The following ESRRG variants were observed in gnomAD, a reference collection of about 807,000 sequenced individuals.
The protein encoded by ESRRG is estrogen related receptor gamma, also known as estrogen-related receptor gamma.
Under a neutral mutation model 44.0 loss-of-function variants are expected in ESRRG, and 13 were observed. The observed-to-expected ratio is 0.30, with a 90% confidence interval of 0.19 to 0.47. The LOEUF is 0.47. Ranked by LOEUF, ESRRG falls within the 20% of genes least tolerant of loss-of-function variation. ESRRG has a pLI of 1.00. For missense variants in ESRRG, 395 were observed against 580.6 expected (o/e 0.68, Z 3.29); for synonymous variants, 215 against 214.6 (o/e 1.00, Z -0.02).
intron 2 of ESRRG, among the ~76,000 whole-genome samples, chr1:216,734,908 T>C (rs2089579579): frequency 9.2e-6 from 1 of 108,364 alleles, no homozygotes; most frequent in African/African-American, 3.2e-5. Flanking sequence ...CATATTCTTT[T>C]TTTTTTTTTT....
chr1:216,696,110 G>A (rs985702527), intron 1 of ESRRG, among the ~76,000 whole-genome samples: 2 of 152,096 alleles, frequency 1.3e-5, no homozygotes, highest in African/African-American at 2.4e-5. Context: ...AAAGATATAT[G>A]GAAAGTTTGT....
At chr1:216,747,699 G>T (rs372149671) in intron 2 of ESRRG, among the ~76,000 whole-genome samples, 3 of 152,110 alleles carry the variant, frequency 2.0e-5, no homozygotes, top group African/African-American at 7.2e-5. Flanking sequence ...GACTTTGAGC[G>T]AAACGTTCAA....
At chr1:216,858,436 C>G (rs910048363) in intron 2 of ESRRG, among the ~76,000 whole-genome samples, 4 of 151,744 alleles carry the variant, frequency 2.6e-5, no homozygotes, top group African/African-American at 9.7e-5. Flanking sequence ...GACTCCATCT[C>G]AAAAAATAAT....
At chr1:216,779,435 TA>T (rs1223502953) in intron 2 of ESRRG, among the ~76,000 whole-genome samples, 259 of 73,990 alleles carry the variant, frequency 3.5e-3, no homozygotes, top group Non-Finnish European at 5.4e-3. Context: ...AATTTATTTA[TA>T]AAAATAAATA....
chr1:216,818,781 G>A (rs995915011), intron 2 of ESRRG, among the ~76,000 whole-genome samples: 1 of 151,868 alleles, frequency 6.6e-6, no homozygotes, highest in South Asian at 2.1e-4. Context: ...TCCACCTACC[G>A]CAGCCCCCAG....
At chr1:216,958,301 G>C (rs2068358326) in intron 1 of ESRRG, among the ~76,000 whole-genome samples, 1 of 152,106 alleles carries the variant, frequency 6.6e-6, no homozygotes. Context: ...CCTGAGAGTA[G>C]AATTGCTGGG....
At chr1:216,779,062 TA>T (rs2093721768) in intron 2 of ESRRG, among the ~76,000 whole-genome samples, 1 of 141,994 alleles carries the variant, frequency 7.0e-6, no homozygotes, top group Non-Finnish European at 1.5e-5. Context: ...TGGTTATTCA[TA>T]TTGTTTTCTA....
intron 1 of ESRRG, among the ~76,000 whole-genome samples, chr1:217,130,460 T>C (rs1027837454): frequency 1.2e-4 from 19 of 152,094 alleles, no homozygotes; most frequent in Admixed American, 1.3e-4. Flanking sequence ...GGTCTTGAAC[T>C]CCTAGCTTCA....
intron 1 of ESRRG, among the ~76,000 whole-genome samples, chr1:217,034,095 C>T (rs1006844518): frequency 6.6e-6 from 1 of 152,190 alleles, no homozygotes; most frequent in African/African-American, 2.4e-5. Context: ...CAAGTTCTTT[C>T]ATCTAGCTAT....
intron 3 of ESRRG, among the ~76,000 whole-genome samples, chr1:216,646,375 T>A (rs1481247970): frequency 1.3e-5 from 2 of 152,150 alleles, no homozygotes; most frequent in African/African-American, 4.8e-5. Context: ...CTGCTAAGCA[T>A]GTACTAGACC....
chr1:216,603,667 G>A (rs1022683407), intron 3 of ESRRG, among the ~76,000 whole-genome samples: 6 of 152,240 alleles, frequency 3.9e-5, no homozygotes, highest in African/African-American at 7.2e-5. Flanking sequence ...CGTGGCTCAC[G>A]CCTATAATCC....
At chr1:216,944,758 T>C (rs2065801645) in intron 1 of ESRRG, among the ~76,000 whole-genome samples, 1 of 152,138 alleles carries the variant, frequency 6.6e-6, no homozygotes, top group Non-Finnish European at 1.5e-5. Context: ...GGTAATGGCT[T>C]TTCCAAGTCT....
chr1:216,576,879 C>CA (rs11449638), intron 3 of ESRRG, among the ~76,000 whole-genome samples: 126,043 of 151,860 alleles, frequency 0.83, 52,629 homozygotes, highest in African/African-American at 0.87. Context: ...GCAATTCTGA[C>CA]AAAGGTGAAT....
rs538655208 is a variant in ESRRG, at chr1:216,965,372, TTCA to T, written c.-105-25702_-105-25700del. Among the ~76,000 whole-genome samples the T allele has an allele frequency of 3.3e-4, 50 of 152,242 alleles. 1 individual carries two copies. The South Asian group carries it at 4.6e-3, about 14-fold the overall frequency. ...GTAGATGAATTTTTTAATGCAAGGC[TTCA>T]TCTATTAATTACCAACTTATTGAAG... On this transcript the variant is annotated intron_variant, in intron 1 of 7. Transcript: ENST00000359162.
intron 1 of ESRRG, among the ~76,000 whole-genome samples, chr1:217,134,753 C>T (rs946998484): frequency 5.7e-4 from 87 of 152,224 alleles, no homozygotes; most frequent in African/African-American, 2.1e-3. Flanking sequence ...GCTCGAGGAA[C>T]CTCGCCAGCC....
In ESRRG at chr1:216,542,072, CAGAGAGAGAGAGAG is replaced by C. The variant is rs3040899; in HGVS notation, c.862+22133_862+22146del. ...GTGGGTATAAGGTGTGTGTCTATGA[CAGAGAGAGAGAGAG>C]AGAGAGAGAGAGAGAGAGAGAGAGA... On this transcript the variant is annotated intron_variant, in intron 5 of 6. Coordinates refer to ENST00000408911, the MANE Select transcript of ESRRG (RefSeq NM_001438.4). Among the ~76,000 whole-genome samples, 130 of 139,942 alleles carry C rather than the reference CAGAGAGAGAGAGAG, an allele frequency of 9.3e-4. 1 individual carries two copies. Among genetic ancestry groups the C allele is most frequent in the East Asian group, 8.7e-3 (40 of 4,624 alleles). The allele number at this position is 139,942 out of a possible 152,430, so 91.8% of individuals were successfully genotyped here. A position where few individuals can be genotyped will look rare whatever the true frequency, so the allele number is the denominator to read the frequency against.
chr1:216,775,956 A>G (rs1017540877), intron 2 of ESRRG, among the ~76,000 whole-genome samples: 1 of 151,914 alleles, frequency 6.6e-6, no homozygotes. Flanking sequence ...CCTCTCACCA[A>G]CACCATTGCA....
chr1:216,747,107 A>G (rs1319583296), intron 2 of ESRRG, among the ~76,000 whole-genome samples: 2 of 152,134 alleles, frequency 1.3e-5, no homozygotes, highest in East Asian at 3.9e-4. Flanking sequence ...AAGCTTCCAA[A>G]AATGCTTGCA....
chr1:216,772,221 A>G (rs2093413707), intron 2 of ESRRG, among the ~76,000 whole-genome samples: 1 of 152,108 alleles, frequency 6.6e-6, no homozygotes, highest in African/African-American at 2.4e-5. Flanking sequence ...ATAGTAAAAG[A>G]AACAAGCGAA....
Sources: allele counts gnomAD v4.1 joint callset (sites outside exome capture counted in the v4.1 genomes callset), GRCh38; gene constraint gnomAD v4.1.1; transcripts MANE v1.5; gene names NCBI Gene and HGNC (gene_info 2026-07-23, HGNC 2026-07-21).